WDR70: variants seen among roughly 807,000 people sequenced by gnomAD.
WDR70 encodes the protein WD repeat-containing protein 70.
A neutral mutation model predicts 88.6 loss-of-function variants in WDR70; 53 were observed. The ratio of observed to expected loss-of-function variants is 0.60; its 90% CI spans 0.48 to 0.75. The LOEUF (loss-of-function observed/expected upper bound fraction) is 0.75. Among genes scored for constraint, WDR70 ranks in the 30% least tolerant of loss-of-function variants. WDR70 has a pLI of 0.00. For missense variants in WDR70, 610 were observed against 823.2 expected (o/e 0.74, Z 3.17); for synonymous variants, 280 against 270.0 (o/e 1.04, Z -0.36).
At chr5:37,631,385 T>C (rs1367236189) in intron 10 of WDR70, among the ~76,000 whole-genome samples, 2 of 152,206 alleles carry the variant, frequency 1.3e-5, no homozygotes, top group African/African-American at 4.8e-5. Context: ...ATTCATCTCC[T>C]TCTCGCTGCT....
At chr5:37,418,416 T>A (rs941106449) in intron 5 of WDR70, among the ~76,000 whole-genome samples, 12 of 151,994 alleles carry the variant, frequency 7.9e-5, no homozygotes, top group African/African-American at 2.9e-4. Flanking sequence ...GCCTCCCGGG[T>A]TCATGCCATT....
At chr5:37,723,318 C>CTTTTTT in intron 15 of WDR70, 1 of 198,674 alleles carries the variant, frequency 5.0e-6, no homozygotes, top group East Asian at 1.2e-4. Flanking sequence ...AACAACTTAA[C>CTTTTTT]TTTTAATCAG....
intron 10 of WDR70, among the ~76,000 whole-genome samples, chr5:37,613,635 G>A (rs1005932708): frequency 2.0e-5 from 3 of 152,154 alleles, no homozygotes; most frequent in African/African-American, 7.2e-5. Flanking sequence ...TTCATGTAGA[G>A]TTGTTTGTCC....
At chr5:37,553,493 G>C (rs1353710886) in intron 9 of WDR70, among the ~76,000 whole-genome samples, 3 of 152,152 alleles carry the variant, frequency 2.0e-5, no homozygotes, top group Non-Finnish European at 4.4e-5. Context: ...AAATAAAATA[G>C]AGTAGAAATT....
chr5:37,484,544 G>T (rs1739797146), intron 8 of WDR70, among the ~76,000 whole-genome samples: 2 of 152,124 alleles, frequency 1.3e-5, no homozygotes, highest in South Asian at 4.1e-4. Flanking sequence ...GGGAGACCGT[G>T]GAAAGAGAGG....
chr5:37,415,813 C>T (rs1411606428), intron 5 of WDR70, among the ~76,000 whole-genome samples: 1 of 145,606 alleles, frequency 6.9e-6, no homozygotes, highest in East Asian at 2.2e-4. Flanking sequence ...CGGGCAGAGA[C>T]GCTCCTCACC....
chr5:37,472,952 A>G (rs920555001), intron 7 of WDR70, among the ~76,000 whole-genome samples: 3 of 152,040 alleles, frequency 2.0e-5, no homozygotes, highest in African/African-American at 7.3e-5. Context: ...TTTATATGAA[A>G]CTGCCAAACA....
At chr5:37,525,430 G>T (rs369477908) in intron 9 of WDR70, among the ~76,000 whole-genome samples, 66 of 152,168 alleles carry the variant, frequency 4.3e-4, no homozygotes, top group African/African-American at 1.5e-3. Context: ...TTTGAAACCA[G>T]TGAGAACAAA....
chr5:37,485,799 C>T (rs998119960), intron 8 of WDR70, among the ~76,000 whole-genome samples: 1 of 151,064 alleles, frequency 6.6e-6, no homozygotes. Flanking sequence ...TCAAGCGATT[C>T]CCCTGCCTTA....
intron 13 of WDR70, among the ~76,000 whole-genome samples, chr5:37,708,983 G>C (rs1747437085): frequency 1.3e-5 from 2 of 152,160 alleles, no homozygotes; most frequent in African/African-American, 4.8e-5. Flanking sequence ...TCCCAACTCA[G>C]GCAGAATGGC....
chr5:37,669,696 G>T (rs886875335), intron 10 of WDR70, among the ~76,000 whole-genome samples: 29 of 152,186 alleles, frequency 1.9e-4, no homozygotes, highest in African/African-American at 6.8e-4. Context: ...GAGGGAGCCA[G>T]AGAAGTCTGG....
intron 5 of WDR70, among the ~76,000 whole-genome samples, chr5:37,429,217 G>C (rs1440542169): frequency 1.3e-5 from 2 of 152,088 alleles, no homozygotes; most frequent in African/African-American, 4.8e-5. Flanking sequence ...GAGTTTTAGA[G>C]TTTAGAGTTT....
chr5:37,397,367 G>T (rs368166437), intron 5 of WDR70, among the ~76,000 whole-genome samples: 1 of 152,014 alleles, frequency 6.6e-6, no homozygotes, highest in Non-Finnish European at 1.5e-5. Flanking sequence ...ACTCTGAGAG[G>T]CCGAGGCAGG....
At chr5:37,456,879 G>T (rs950657536) in intron 7 of WDR70, among the ~76,000 whole-genome samples, 1 of 151,980 alleles carries the variant, frequency 6.6e-6, no homozygotes, top group Non-Finnish European at 1.5e-5. Flanking sequence ...ACTAGCCAAA[G>T]GAAATGAATT....
At chr5:37,448,600 T>C (rs1475354626) in intron 7 of WDR70, among the ~76,000 whole-genome samples, 1 of 152,244 alleles carries the variant, frequency 6.6e-6, no homozygotes. Flanking sequence ...ATAGATAAGC[T>C]ACAAAGATAG....
At position 37,689,777 on chromosome 5, in the gene WDR70, A is replaced by T. The variant is rs184269558; in HGVS notation, c.1093-7878A>T. Among the ~76,000 whole-genome samples, 125 of 152,344 alleles carry T rather than the reference A, an allele frequency of 8.2e-4. 1 individual carries two copies. Among genetic ancestry groups the T allele is most frequent in the African/African-American group, 2.9e-3 (120 of 41,580 alleles). On this transcript the variant is annotated intron_variant, in intron 10 of 17. Coordinates refer to ENST00000265107, the MANE Select transcript of WDR70 (RefSeq NM_018034.4). The stretch of plus-strand genomic sequence containing the variant: ...GAGAAACCAGAGCAGAAAAGCTGAA[A>T]ATTCTAAAAACCAGAGTGCCTCTTC...
At chr5:37,444,851 G>T (rs555665780) in intron 7 of WDR70, among the ~76,000 whole-genome samples, 2 of 152,236 alleles carry the variant, frequency 1.3e-5, no homozygotes, top group Admixed American at 6.5e-5. Flanking sequence ...AGATCATCAG[G>T]CATTAGATTC....
chr5:37,443,722 G>A (rs1304338629), intron 7 of WDR70, among the ~76,000 whole-genome samples: 4 of 151,738 alleles, frequency 2.6e-5, no homozygotes, highest in Non-Finnish European at 4.4e-5. Flanking sequence ...GCGTGGTGGC[G>A]CATGCCTGTA....
chr5:37,522,208 C>T (rs1741116053), intron 9 of WDR70, among the ~76,000 whole-genome samples: 1 of 151,824 alleles, frequency 6.6e-6, no homozygotes, highest in African/African-American at 2.4e-5. Context: ...CATGGTGGCT[C>T]ATGGCTGTAA....
Sources: allele counts gnomAD v4.1 joint callset (sites outside exome capture counted in the v4.1 genomes callset), GRCh38; gene constraint gnomAD v4.1.1; transcripts MANE v1.5; gene names NCBI Gene and HGNC (gene_info 2026-07-23, HGNC 2026-07-21).